LAMC1: variants seen among roughly 807,000 people sequenced by gnomAD.
LAMC1 encodes the protein laminin subunit gamma-1.
Under a neutral mutation model 173.6 loss-of-function variants are expected in LAMC1, and 38 were observed. The observed-to-expected ratio is 0.22, with a 90% CI of 0.17 to 0.29. The LOEUF is 0.29. LAMC1 is among the 10% of genes least tolerant of loss of function. The pLI, the probability that LAMC1 is intolerant of heterozygous loss-of-function variation, is 1.00. For missense variants in LAMC1, 1,824 were observed against 2,051.8 expected (o/e 0.89, Z 2.14); for synonymous variants, 746 against 749.1 (o/e 1.00, Z 0.07).
intron 1 of LAMC1, among the ~76,000 whole-genome samples, chr1:183,042,475 A>G (rs1031267196): frequency 1.1e-4 from 17 of 152,254 alleles, no homozygotes; most frequent in South Asian, 4.1e-4. Flanking sequence ...CCACAGATCT[A>G]TTACAGTGAT....
At chr1:183,116,522 A>C (rs1656326844) in intron 6 of LAMC1, 55 bp from the exon 7 acceptor site, 1 of 1,211,578 alleles carries the variant, frequency 8.3e-7, no homozygotes, top group Non-Finnish European at 1.2e-6. Flanking sequence ...GGCTGACTTG[A>C]AGAGTGGAAG....
intron 4 of LAMC1, among the ~76,000 whole-genome samples, chr1:183,113,916 A>T (rs578029384): frequency 6.6e-6 from 1 of 152,246 alleles, no homozygotes; most frequent in Non-Finnish European, 1.5e-5. Context: ...TTACTTGTAT[A>T]TGAACAATTA....
intron 3 of LAMC1, among the ~76,000 whole-genome samples, chr1:183,109,555 T>A (rs1429046898): frequency 6.6e-6 from 1 of 152,208 alleles, no homozygotes; most frequent in Non-Finnish European, 1.5e-5. Context: ...TGGTTATACA[T>A]ATGTAAAATT....
At position 183,142,739 on chromosome 1, in the gene LAMC1, G is replaced by A. The variant is rs369543783; in HGVS notation, c.4779G>A (p.Arg1593=). The part of the protein sequence containing the change: ...MKDIRNLEDI[R]KTLPSGCFNT... ...ACATTCGCAATCTGGAGGACATCAG[G>A]AAGACCTTACCATCTGGCTGCTTCA... Residue 1593 remains arginine (R), a synonymous_variant, in exon 28 of 28, where the codon AGG becomes AGA. Transcript: ENST00000258341. 1.2e-6 allele frequency: 2 copies of A among 1,613,876 alleles called. No homozygotes were observed. Among genetic ancestry groups the A allele is most frequent in the African/African-American group, 2.7e-5 (2 of 74,910 alleles).
At chr1:183,073,686 A>G (rs543643603) in intron 1 of LAMC1, among the ~76,000 whole-genome samples, 1 of 152,302 alleles carries the variant, frequency 6.6e-6, no homozygotes, top group Admixed American at 6.5e-5. Flanking sequence ...CTAGGCCTCA[A>G]AGTACTCATA....
intron 11 of LAMC1, among the ~76,000 whole-genome samples, chr1:183,118,985 G>A (rs1446773442): frequency 1.3e-5 from 2 of 151,678 alleles, no homozygotes; most frequent in South Asian, 4.2e-4. Context: ...TGCAACCTCC[G>A]CCTCCTGGTT....
chr1:183,036,334 G>T (rs1014040304), intron 1 of LAMC1, among the ~76,000 whole-genome samples: 10 of 151,032 alleles, frequency 6.6e-5, no homozygotes, highest in Non-Finnish European at 1.3e-4. Context: ...TCCTGACTAG[G>T]TGAGCCATCT....
intron 1 of LAMC1, among the ~76,000 whole-genome samples, chr1:183,038,356 GTT>G (rs1359465299): frequency 1.3e-5 from 2 of 152,182 alleles, no homozygotes; most frequent in Non-Finnish European, 2.9e-5. Flanking sequence ...CCCTTGCTCA[GTT>G]TCCTTTCTTA....
intron 1 of LAMC1, among the ~76,000 whole-genome samples, chr1:183,037,100 A>G (rs929659815): frequency 1.3e-5 from 2 of 152,170 alleles, no homozygotes; most frequent in Non-Finnish European, 2.9e-5. Flanking sequence ...TCAGTGGAAG[A>G]CTTGTAGGTT....
chr1:183,069,554 T>C (rs906689959), intron 1 of LAMC1, among the ~76,000 whole-genome samples: 5 of 152,226 alleles, frequency 3.3e-5, no homozygotes, highest in African/African-American at 9.6e-5. Flanking sequence ...GAAAGGTAAG[T>C]TAAACAGAAA....
intron 18 of LAMC1, 82 bp from the exon 19 acceptor site, chr1:183,130,262 A>C: frequency 1.6e-6 from 2 of 1,232,902 alleles, no homozygotes; most frequent in East Asian, 2.4e-5. Flanking sequence ...AAGAGTAGAG[A>C]TACATAGGGC....
intron 26 of LAMC1, among the ~76,000 whole-genome samples, chr1:183,139,342 T>C (rs1429166799): frequency 1.3e-5 from 2 of 152,316 alleles, no homozygotes; most frequent in East Asian, 3.9e-4. Context: ...TGAATCTGTA[T>C]TGTATTTTTT....
intron 1 of LAMC1, among the ~76,000 whole-genome samples, chr1:183,080,267 T>C (rs1342512829): frequency 2.6e-5 from 4 of 152,216 alleles, no homozygotes; most frequent in Admixed American, 2.6e-4. Flanking sequence ...TTTTTGCTTT[T>C]TAAAAATTGT....
intron 1 of LAMC1, among the ~76,000 whole-genome samples, chr1:183,088,704 C>T (rs1050215468): frequency 2.0e-5 from 3 of 151,986 alleles, no homozygotes; most frequent in East Asian, 1.9e-4. Flanking sequence ...GCTATGTGTT[C>T]GGAAAAGTAA....
intron 1 of LAMC1, among the ~76,000 whole-genome samples, chr1:183,056,763 C>T (rs10732271): frequency 0.5 from 76,235 of 151,944 alleles, 19,781 homozygotes; most frequent in South Asian, 0.64. Context: ...CCCTATGTAC[C>T]GTTTCTGTTT....
chr1:183,145,499 G>A lies in LAMC1; in HGVS notation c.*2709G>A, dbSNP rs7473. On this transcript the variant is annotated 3_prime_UTR_variant, in exon 28 of 28. Transcript: ENST00000258341. ...CTTAATCTCTACAGCCTTGCTCTCCGGGGTGGTTAATAAAATGCAACACTT... is the reference window on the plus strand; with the variant it reads ...CTTAATCTCTACAGCCTTGCTCTCCAGGGTGGTTAATAAAATGCAACACTT... The A allele has an allele frequency of 0.53, 80,846 of 152,188 alleles. 21,962 individuals carry two copies. The highest frequency in any genetic ancestry group is 0.65 in the South Asian group (3,113 of 4,822). The allele number at this position is 152,188 out of a possible 1,614,324, so 9.4% of individuals were successfully genotyped here.
At position 183,140,090 on chromosome 1, in the gene LAMC1, C is replaced by G. The variant is rs1169686378; in HGVS notation, c.4474-314C>G. 2.0e-5 allele frequency among the ~76,000 whole-genome samples: 3 copies of G among 147,880 alleles called. No individual in the cohort carries two copies. In the East Asian group the frequency reaches 6.0e-4, roughly 29 times the overall value. On this transcript the variant is annotated intron_variant, in intron 26 of 27. Transcript: ENST00000258341. ...ATAGGCTTTACTATGAATATACCTC[C>G]ATATATTATTGAGTTAGAATGTGAG...
At chr1:183,139,872 G>T (rs1197884856) in intron 26 of LAMC1, among the ~76,000 whole-genome samples, 1 of 152,096 alleles carries the variant, frequency 6.6e-6, no homozygotes, top group Admixed American at 6.6e-5. Context: ...GTGTCAGGGG[G>T]ACTGTGGCTG....
intron 11 of LAMC1, among the ~76,000 whole-genome samples, chr1:183,120,284 T>C (rs923545159): frequency 6.6e-6 from 1 of 151,732 alleles, no homozygotes; most frequent in Non-Finnish European, 1.5e-5. Flanking sequence ...AGTTAAGAAG[T>C]TTGGCTATAA....
Sources: allele counts gnomAD v4.1 joint callset (sites outside exome capture counted in the v4.1 genomes callset), GRCh38; gene constraint gnomAD v4.1.1; transcripts MANE v1.5; gene names NCBI Gene and HGNC (gene_info 2026-07-23, HGNC 2026-07-21).